The following PTBP3 variants were observed in gnomAD, a reference collection of about 807,000 sequenced individuals.
The protein encoded by PTBP3 is polypyrimidine tract binding protein 3.
PTBP3 carries 20 observed loss-of-function variants against 58.7 expected under a neutral mutation model. The observed-to-expected ratio is 0.34, with a 90% CI of 0.24 to 0.50. The LOEUF is 0.50. PTBP3 is among the 20% of genes least tolerant of loss of function. PTBP3 has a pLI of 0.98. For synonymous variants in PTBP3, 185 were observed against 219.8 expected (o/e 0.84, Z 1.40); for missense variants, 509 against 637.2 (o/e 0.80, Z 2.17).
At chr9:112,358,737 C>T in the PTBP3 span, among the ~76,000 whole-genome samples, 2 of 152,174 alleles carry the variant, frequency 1.3e-5, no homozygotes, top group African/African-American at 2.4e-5. Flanking sequence ...CCAGCCTGAA[C>T]ATCATAGCAA....
intron 1 of PTBP3, chr9:112,332,922 C>A: frequency 6.4e-7 from 1 of 1,551,212 alleles, no homozygotes; most frequent in Non-Finnish European, 8.7e-7. Flanking sequence ...TCGGCCAAGT[C>A]CCGCGGCGGC....
At chr9:112,265,092 T>C (rs1019176655) in intron 4 of PTBP3, among the ~76,000 whole-genome samples, 1 of 152,204 alleles carries the variant, frequency 6.6e-6, no homozygotes, top group Non-Finnish European at 1.5e-5. Flanking sequence ...AGTGTGTTTT[T>C]TGGGGGACAG....
chr9:112,343,836 T>C, the PTBP3 span, among the ~76,000 whole-genome samples: 1 of 152,180 alleles, frequency 6.6e-6, no homozygotes, highest in Non-Finnish European at 1.5e-5. Flanking sequence ...CATTTTTCAT[T>C]TCATTTCATT....
the PTBP3 span, among the ~76,000 whole-genome samples, chr9:112,358,520 T>C: frequency 6.6e-6 from 1 of 152,198 alleles, no homozygotes; most frequent in Non-Finnish European, 1.5e-5. Context: ...AGTGTGTATA[T>C]CCTCTGAGCA....
intron 7 of PTBP3, among the ~76,000 whole-genome samples, chr9:112,245,168 G>A (rs1332617448): frequency 3.3e-5 from 5 of 152,076 alleles, no homozygotes; most frequent in African/African-American, 9.7e-5. Flanking sequence ...AAAATTAGCC[G>A]GGTGTAGTGG....
chr9:112,281,700 AATTTGATTTTT>A (rs545908562), intron 2 of PTBP3, among the ~76,000 whole-genome samples: 32 of 152,304 alleles, frequency 2.1e-4, no homozygotes, highest in African/African-American at 7.5e-4. Flanking sequence ...TTCAATAACT[AATTTGATTTTT>A]TAAACAGCTA....
chr9:112,259,777 C>T (rs1445851261), intron 5 of PTBP3, among the ~76,000 whole-genome samples: 1 of 152,200 alleles, frequency 6.6e-6, no homozygotes, highest in African/African-American at 2.4e-5. Context: ...ACAGGTACAA[C>T]CAACTCCATA....
At position 112,234,810 on chromosome 9, in the gene PTBP3, A is replaced by G. The variant is rs1465363537; in HGVS notation, c.880+10T>C. 1.2e-6 allele frequency: 2 copies of G among 1,603,448 alleles called. No homozygotes were observed. The highest frequency in any genetic ancestry group is 8.5e-7 in the Non-Finnish European group (1 of 1,170,782). ...TAAAAGTCATTTCAAATCCAACTTA[A>G]AAGAATCACCTGTAGCTTGAGGAAA... On this transcript the variant is annotated intron_variant, in intron 8 of 13. Coordinates refer to ENST00000374257, the MANE Select transcript of PTBP3 (RefSeq NM_001163788.4).
chr9:112,325,084 G>C (rs1489235047), intron 1 of PTBP3, among the ~76,000 whole-genome samples: 1 of 152,146 alleles, frequency 6.6e-6, no homozygotes, highest in Non-Finnish European at 1.5e-5. Flanking sequence ...ACTGAAAAGT[G>C]CCCAAATGTC....
At chr9:112,280,310 C>G (rs1230441856) in intron 2 of PTBP3, among the ~76,000 whole-genome samples, 1 of 152,048 alleles carries the variant, frequency 6.6e-6, no homozygotes, top group Non-Finnish European at 1.5e-5. Flanking sequence ...CCACCTTGGC[C>G]TTCCTAAGTG....
intron 1 of PTBP3, among the ~76,000 whole-genome samples, chr9:112,320,200 C>T (rs1451623402): frequency 2.7e-5 from 4 of 149,516 alleles, no homozygotes; most frequent in Non-Finnish European, 5.9e-5. Flanking sequence ...ATCACTTGAG[C>T]CCAGGAGTTC....
intron 7 of PTBP3, among the ~76,000 whole-genome samples, chr9:112,248,208 C>A (rs1835962689): frequency 6.6e-6 from 1 of 151,886 alleles, no homozygotes; most frequent in Non-Finnish European, 1.5e-5. Flanking sequence ...AAATAAGAAA[C>A]AAACTTGACA....
At chr9:112,347,259 T>C in the PTBP3 span, among the ~76,000 whole-genome samples, 1 of 151,714 alleles carries the variant, frequency 6.6e-6, no homozygotes, top group Non-Finnish European at 1.5e-5. Context: ...TATATCACAG[T>C]GAAAATGAAT....
In PTBP3 at chr9:112,223,671, C is replaced by G. The variant is rs1436793398; in HGVS notation, c.*180G>C. 7.8e-7 allele frequency: 1 copy of G among 1,287,428 alleles called. No homozygotes were observed. Among genetic ancestry groups the G allele is most frequent in the Non-Finnish European group, 9.8e-7 (1 of 1,016,582 alleles). The allele number at this position is 1,287,428 out of a possible 1,614,324, so 79.8% of individuals were successfully genotyped here. A position where few individuals can be genotyped will look rare whatever the true frequency, so the allele number is the denominator to read the frequency against. On this transcript the variant is annotated 3_prime_UTR_variant, in exon 14 of 14. Coordinates refer to ENST00000374257, the MANE Select transcript of PTBP3 (RefSeq NM_001163788.4). ...GTAAAAAGGGAAAAGAAACCTTTGA[C>G]TGGCGGGGGCAGGGGGAATACAAAA...
At chr9:112,331,179 T>A (rs1044649246) in intron 1 of PTBP3, among the ~76,000 whole-genome samples, 14 of 151,786 alleles carry the variant, frequency 9.2e-5, no homozygotes, top group African/African-American at 3.4e-4. Flanking sequence ...GACTGGTGGC[T>A]TGTGGTTTGT....
chr9:112,316,022 C>A (rs1471145414), intron 1 of PTBP3, among the ~76,000 whole-genome samples: 1 of 152,212 alleles, frequency 6.6e-6, no homozygotes, highest in Non-Finnish European at 1.5e-5. Flanking sequence ...TCTCCAGTCA[C>A]AACAGCAAGT....
At chr9:112,270,483 C>T (rs73539720) in intron 3 of PTBP3, among the ~76,000 whole-genome samples, 10 of 152,190 alleles carry the variant, frequency 6.6e-5, no homozygotes, top group African/African-American at 9.6e-5. Flanking sequence ...AAATAATCTA[C>T]GCTTTTGAAT....
chr9:112,298,805 C>T (rs998737508), intron 1 of PTBP3, among the ~76,000 whole-genome samples: 1 of 152,126 alleles, frequency 6.6e-6, no homozygotes, highest in African/African-American at 2.4e-5. Flanking sequence ...GACAAACCAC[C>T]AATATATCTA....
intron 2 of PTBP3, among the ~76,000 whole-genome samples, chr9:112,290,739 A>ACACACACACAC (rs1398984829): frequency 2.1e-5 from 2 of 93,672 alleles, no homozygotes; most frequent in South Asian, 7.6e-4. Flanking sequence ...CACACACACA[A>ACACACACACAC]TCAAGTGTTG....
Sources: gnomAD v4.1 joint callset for allele counts (sites outside exome capture counted in the v4.1 genomes callset) on GRCh38, gnomAD v4.1.1 for gene constraint, MANE v1.5 for transcripts, NCBI Gene and HGNC (gene_info 2026-07-23, HGNC 2026-07-21) for gene names.